Variants in ECPAS observed in about 807,000 individuals in gnomAD.
The protein encoded by ECPAS is Ecm29 proteasome adaptor and scaffold.
A neutral mutation model predicts 255.1 loss-of-function variants in ECPAS; 70 were observed. The ratio of observed to expected loss-of-function variants is 0.27; its 90% CI spans 0.23 to 0.33. ECPAS has a LOEUF of 0.33. Among genes scored for constraint, ECPAS ranks in the 10% least tolerant of loss-of-function variants. The probability of loss-of-function intolerance (pLI) is 1.00; values close to 1 mark genes in which losing one functional copy is unlikely to be tolerated. For synonymous variants in ECPAS, 784 were observed against 775.0 expected (o/e 1.01, Z -0.19); for missense variants, 1,817 against 2,206.4 (o/e 0.82, Z 3.54).
intron 24 of ECPAS, among the ~76,000 whole-genome samples, chr9:111,404,558 A>C (rs1589151395): frequency 6.7e-6 from 1 of 148,206 alleles, no homozygotes; most frequent in Non-Finnish European, 1.5e-5. Flanking sequence ...AGCGTGTAGC[A>C]CCTCCCGCTT....
chr9:111,457,679 C>T (rs1033433016), intron 2 of ECPAS, among the ~76,000 whole-genome samples: 4 of 151,850 alleles, frequency 2.6e-5, no homozygotes, highest in South Asian at 2.1e-4. Flanking sequence ...AAGGCTTGCC[C>T]CAGAGTGAAG....
intron 29 of ECPAS, 53 bp from the exon 30 acceptor site, chr9:111,390,154 C>G: frequency 9.1e-7 from 1 of 1,094,902 alleles, no homozygotes; most frequent in East Asian, 2.6e-5. Context: ...TCTCTCCAGC[C>G]TAAAAAATTA....
chr9:111,424,434 C>T (rs968606931), intron 12 of ECPAS, among the ~76,000 whole-genome samples: 3 of 152,170 alleles, frequency 2.0e-5, no homozygotes, highest in Non-Finnish European at 2.9e-5. Context: ...AGATCTTGAT[C>T]TCACTATACT....
chr9:111,384,605 G>A (rs773444991), intron 33 of ECPAS, 36 bp from the exon 34 acceptor site: 2 of 1,598,288 alleles, frequency 1.3e-6, no homozygotes, highest in Non-Finnish European at 1.7e-6. Flanking sequence ...ATACAAGTTA[G>A]AGAGTTTCAC....
At chr9:111,454,317 GT>G (rs894304361) in intron 2 of ECPAS, among the ~76,000 whole-genome samples, 1 of 141,700 alleles carries the variant, frequency 7.1e-6, no homozygotes, top group Admixed American at 7.2e-5. Flanking sequence ...AGATGGGGGG[GT>G]GGGGTGCGGC....
At position 111,437,122 on chromosome 9, in the gene ECPAS, A is replaced by G. The variant is rs2098239358; in HGVS notation, c.540-14T>C. The G allele has an allele frequency of 6.3e-7, 1 of 1,586,520 alleles. No individual in the cohort carries two copies. The highest frequency in any genetic ancestry group is 1.2e-5 in the South Asian group (1 of 86,112). On this transcript the variant is annotated splice_polypyrimidine_tract_variant and intron_variant, in intron 6 of 49. Transcript: ENST00000684092. ...TTTAACACGTAACTGGAAAGGAAAT[A>G]ACACTTTAACCCTCTATAAATACAA... is the stretch of plus-strand genomic sequence containing the variant.
intron 5 of ECPAS, among the ~76,000 whole-genome samples, chr9:111,441,614 A>G (rs1243009384): frequency 2.0e-5 from 3 of 152,256 alleles, no homozygotes; most frequent in Non-Finnish European, 2.9e-5. Context: ...TTTAAGTAAC[A>G]GGTCTCAGTA....
chr9:111,436,849 T>C, intron 7 of ECPAS, 91 bp downstream of exon 7: 1 of 1,102,168 alleles, frequency 9.1e-7, no homozygotes, highest in Non-Finnish European at 1.3e-6. Flanking sequence ...AGAGCCTGAA[T>C]ATACTAGAAT....
At chr9:111,435,448 T>C (rs1209334675) in intron 7 of ECPAS, among the ~76,000 whole-genome samples, 2 of 152,068 alleles carry the variant, frequency 1.3e-5, no homozygotes, top group African/African-American at 4.8e-5. Context: ...CAATAACAAT[T>C]TTTCTCCAGC....
At chr9:111,450,382 T>C (rs1184354729) in intron 3 of ECPAS, among the ~76,000 whole-genome samples, 2 of 152,142 alleles carry the variant, frequency 1.3e-5, no homozygotes, top group African/African-American at 2.4e-5. Context: ...AGAATGCCCA[T>C]TCCCTCCTGT....
intron 24 of ECPAS, among the ~76,000 whole-genome samples, chr9:111,404,284 T>C (rs2098180563): frequency 6.7e-6 from 1 of 149,344 alleles, no homozygotes; most frequent in Non-Finnish European, 1.5e-5. Flanking sequence ...TAAATGAAAT[T>C]GAGACTAAAA....
chr9:111,428,158 C>T lies in ECPAS; in HGVS notation c.934G>A (p.Ala312Thr), dbSNP rs1284125372. Residue 312 changes from alanine to threonine, a missense_variant, in exon 10 of 50, where the codon GCA (alanine) becomes ACA (threonine). By Grantham distance (58) the Ala-to-Thr change is moderately conservative. Coordinates refer to ENST00000684092, the MANE Select transcript of ECPAS (RefSeq NM_001364929.1). ...GDIPLKTKEG[A>T]VLKPELKRDP... ...CTTTTCAACTCTGGCTTCAGAACTG[C>T]ACCCTGTTGAAAATATGCTTGATTA... 6.2e-7 allele frequency: 1 copy of T among 1,607,372 alleles called. No individual in the cohort carries two copies. The highest frequency in any genetic ancestry group is 8.5e-7 in the Non-Finnish European group (1 of 1,177,498).
At chr9:111,392,133 G>A (rs569611252) in intron 28 of ECPAS, among the ~76,000 whole-genome samples, 2 of 151,990 alleles carry the variant, frequency 1.3e-5, no homozygotes, top group South Asian at 2.1e-4. Flanking sequence ...CCAGCTACTC[G>A]GGAGGCTGAG....
intron 29 of ECPAS, among the ~76,000 whole-genome samples, 189 bp downstream of exon 29, chr9:111,391,567 G>T (rs1368935847): frequency 6.7e-6 from 1 of 148,448 alleles, no homozygotes; most frequent in South Asian, 2.1e-4. Context: ...GGCAACAAAA[G>T]TGAGGCTCCA....
chr9:111,395,833 T>C (rs1409231919), intron 25 of ECPAS, among the ~76,000 whole-genome samples: 1 of 152,190 alleles, frequency 6.6e-6, no homozygotes, highest in Non-Finnish European at 1.5e-5. Context: ...CTTCCCTTCC[T>C]TACCTCCTTC....
At chr9:111,425,998 T>C (rs1297222006) in intron 10 of ECPAS, among the ~76,000 whole-genome samples, 170 bp from the exon 11 acceptor site, 1 of 152,228 alleles carries the variant, frequency 6.6e-6, no homozygotes, top group Admixed American at 6.5e-5. Context: ...CAGAAGCTCC[T>C]ATAAATAGTC....
At chr9:111,475,028 A>G (rs2098294486) in intron 1 of ECPAS, among the ~76,000 whole-genome samples, 1 of 152,100 alleles carries the variant, frequency 6.6e-6, no homozygotes, top group Admixed American at 6.5e-5. Flanking sequence ...AGCTCAAGCT[A>G]TTTTTCCTTT....
intron 24 of ECPAS, among the ~76,000 whole-genome samples, chr9:111,407,403 GAAAAAAAAAAAAAA>G (rs1161790026): frequency 0.061 from 740 of 12,052 alleles, 8 homozygotes; most frequent in Middle Eastern, 0.33. Flanking sequence ...CTCCATCTCA[GAAAAAAAAAAAAAA>G]AAAAAAAAAA....
At chr9:111,363,015 G>A (rs555789159) in intron 49 of ECPAS, among the ~76,000 whole-genome samples, 10 of 152,184 alleles carry the variant, frequency 6.6e-5, no homozygotes, top group Admixed American at 5.2e-4. Flanking sequence ...TTCTTAATCC[G>A]TGAAAACAAT....
Sources: gnomAD v4.1 joint callset for allele counts (sites outside exome capture counted in the v4.1 genomes callset) on GRCh38, gnomAD v4.1.1 for gene constraint, MANE v1.5 for transcripts, NCBI Gene and HGNC (gene_info 2026-07-23, HGNC 2026-07-21) for gene names.